DNAH12: variants seen among roughly 807,000 people sequenced by gnomAD.
DNAH12 encodes the protein dynein axonemal heavy chain 12, also known as axonemal beta dynein heavy chain 12.
DNAH12 carries 285 observed loss-of-function variants against 371.5 expected under a neutral mutation model. That is an observed-to-expected ratio of 0.77 (90% CI 0.70 to 0.85). DNAH12 has a LOEUF of 0.85. DNAH12 is among the 40% of genes least tolerant of loss of function. DNAH12 has a pLI of 0.00. For missense variants in DNAH12, 3,611 were observed against 3,689.4 expected, an observed-to-expected ratio of 0.98 and a Z score of 0.55; for synonymous variants, 1,200 against 1,213.0, an observed-to-expected ratio of 0.99 and a Z score of 0.22.
chr3:57,359,117 G>C (rs1260059628), intron 58 of DNAH12, among the ~76,000 whole-genome samples: 3 of 152,084 alleles, frequency 2.0e-5, no homozygotes, highest in Admixed American at 6.5e-5. Context: ...AACTTAATTA[G>C]TATTCCATGG....
chr3:57,395,935 T>C (rs2063727495), intron 43 of DNAH12, among the ~76,000 whole-genome samples: 1 of 151,256 alleles, frequency 6.6e-6, no homozygotes, highest in South Asian at 2.1e-4. Flanking sequence ...CCAGCTGGGG[T>C]GACAGAGTGA....
At chr3:57,526,797 A>T (rs2153399094) in intron 2 of DNAH12, among the ~76,000 whole-genome samples, 1 of 151,806 alleles carries the variant, frequency 6.6e-6, no homozygotes, top group South Asian at 2.1e-4. Context: ...TGCTGGGATT[A>T]TAGGCGTGAG....
chr3:57,353,281 A>G (rs1405403251), intron 59 of DNAH12, among the ~76,000 whole-genome samples: 1 of 152,064 alleles, frequency 6.6e-6, no homozygotes, highest in African/African-American at 2.4e-5. Context: ...CCATTCTAAA[A>G]ATAGTTTGGC....
At chr3:57,414,410 G>C (rs1453695483) in intron 38 of DNAH12, among the ~76,000 whole-genome samples, 1 of 151,676 alleles carries the variant, frequency 6.6e-6, no homozygotes, top group African/African-American at 2.4e-5. Flanking sequence ...TTTTATTTTA[G>C]ATTCAGGGAG....
intron 13 of DNAH12, among the ~76,000 whole-genome samples, chr3:57,479,713 C>T (rs1176273388): frequency 2.0e-5 from 3 of 152,260 alleles, no homozygotes; most frequent in South Asian, 2.1e-4. Flanking sequence ...GAAATTATAA[C>T]AAACTATCTC....
intron 70 of DNAH12, among the ~76,000 whole-genome samples, chr3:57,300,536 A>C (rs1575417115): frequency 6.6e-6 from 1 of 152,236 alleles, no homozygotes; most frequent in East Asian, 1.9e-4. Context: ...ACACACACAC[A>C]CCCACACACA....
chr3:57,458,490 T>C (rs544490282), intron 20 of DNAH12, among the ~76,000 whole-genome samples: 1 of 152,314 alleles, frequency 6.6e-6, no homozygotes, highest in African/African-American at 2.4e-5. Context: ...TTTCGAATGA[T>C]GTGAGAAAAG....
At chr3:57,370,340 G>A (rs2063144538) in intron 55 of DNAH12, among the ~76,000 whole-genome samples, 2 of 152,152 alleles carry the variant, frequency 1.3e-5, no homozygotes, top group East Asian at 3.9e-4. Context: ...AACATTTCTT[G>A]AGCACTTATG....
rs539761454 is a variant in DNAH12 at position 57,338,802 on chromosome 3, C to T, written c.9675-3862G>A. The stretch of plus-strand genomic sequence containing the variant: ...GCCACCCCGTCTGGGAAGTGAGGAG[C>T]ACCTCTGCCTGGCCGCTGTGCAATC... On this transcript the variant is annotated intron_variant, in intron 60 of 73. Transcript: ENST00000495027. Among the ~76,000 whole-genome samples the T allele has an allele frequency of 1.6e-4, 24 of 152,288 alleles. No homozygotes were observed. In the East Asian group the frequency reaches 4.5e-3, roughly 28 times the overall value.
At chr3:57,554,538 C>T in the DNAH12 span, among the ~76,000 whole-genome samples, 8 of 152,134 alleles carry the variant, frequency 5.3e-5, no homozygotes, top group Non-Finnish European at 1.0e-4. Context: ...CTGCTACTCT[C>T]CCCTGGTCTC....
chr3:57,411,568 A>G (rs2064207997), intron 39 of DNAH12, among the ~76,000 whole-genome samples: 1 of 147,788 alleles, frequency 6.8e-6, no homozygotes, highest in Non-Finnish European at 1.5e-5. Context: ...AAGAAAGAAA[A>G]GTACAACACC....
Position 57,428,370 on chromosome 3 carries a change from T to A in DNAH12, c.5253+263A>T, listed in dbSNP as rs17793014. On this transcript the variant is annotated intron_variant, in intron 34 of 73. Coordinates refer to ENST00000495027, the MANE Select transcript of DNAH12 (RefSeq NM_001366028.2). Reference sequence around the variant, plus strand: ...TACATTGAGTTTTTAGAGGCACATATTTAAAATAATTTGAAATACGGAAAG... The same window carrying A: ...TACATTGAGTTTTTAGAGGCACATAATTAAAATAATTTGAAATACGGAAAG... 0.4 allele frequency: 538,024 copies of A among 1,340,342 alleles called. 113,438 individuals carry two copies. The highest frequency in any genetic ancestry group is 0.44 in the Non-Finnish European group (436,231 of 999,186). 83.0% of individuals were successfully genotyped at this position (1,340,342 alleles called of 1,614,324 possible). A position where few individuals can be genotyped will look rare whatever the true frequency, so the allele number is the denominator to read the frequency against.
At chr3:57,449,966 G>A (rs911130560) in intron 25 of DNAH12, among the ~76,000 whole-genome samples, 4 of 152,136 alleles carry the variant, frequency 2.6e-5, no homozygotes, top group African/African-American at 7.2e-5. Context: ...ATATGATCCC[G>A]GGTGGGCACA....
chr3:57,336,971 G>A (rs1376667757), intron 60 of DNAH12, among the ~76,000 whole-genome samples: 2 of 152,008 alleles, frequency 1.3e-5, no homozygotes, highest in African/African-American at 4.8e-5. Flanking sequence ...CTGGCTAAAT[G>A]AATAAAAAAC....
At chr3:57,448,911 T>G (rs1045536326) in intron 25 of DNAH12, among the ~76,000 whole-genome samples, 2 of 129,424 alleles carry the variant, frequency 1.5e-5, no homozygotes, top group African/African-American at 6.0e-5. Flanking sequence ...AACCTTGAGC[T>G]AGATACAGAG....
chr3:57,452,643 T>C (rs569714843), intron 25 of DNAH12, among the ~76,000 whole-genome samples, 200 bp downstream of exon 25: 7 of 152,314 alleles, frequency 4.6e-5, no homozygotes, highest in Admixed American at 6.5e-5. Context: ...ACAACTTTCA[T>C]ACGATAAAGT....
chr3:57,520,023 G>A (rs906140634), intron 4 of DNAH12: 2 of 756,886 alleles, frequency 2.6e-6, no homozygotes, highest in Admixed American at 4.5e-5. Flanking sequence ...TAGCGCCGCG[G>A]AGCCGATGGC....
At chr3:57,443,878 C>T (rs185308012) in intron 29 of DNAH12, among the ~76,000 whole-genome samples, 44 of 152,114 alleles carry the variant, frequency 2.9e-4, no homozygotes, top group African/African-American at 9.6e-4. Context: ...AGTATGTATA[C>T]TAATATTGTA....
intron 53 of DNAH12, among the ~76,000 whole-genome samples, chr3:57,376,261 A>G (rs1409676868): frequency 6.6e-6 from 1 of 151,782 alleles, no homozygotes; most frequent in Non-Finnish European, 1.5e-5. Context: ...ATTTTGCCTA[A>G]TAATTTTCTC....
Sources: allele counts gnomAD v4.1 joint callset (sites outside exome capture counted in the v4.1 genomes callset), GRCh38; gene constraint gnomAD v4.1.1; transcripts MANE v1.5; gene names NCBI Gene and HGNC (gene_info 2026-07-23, HGNC 2026-07-21).